Variants in DOCK10 observed in about 807,000 individuals in gnomAD.
DOCK10 encodes dedicator of cytokinesis protein 10.
In DOCK10, 145 loss-of-function variants were observed where a neutral mutation model predicts 280.1. That is an observed-to-expected ratio of 0.52 (90% confidence interval 0.45 to 0.59). DOCK10 has a LOEUF of 0.59. DOCK10 is among the 20% of genes least tolerant of loss of function. The pLI, the probability that DOCK10 is intolerant of heterozygous loss-of-function variation, is 0.00. For missense variants in DOCK10, 2,368 were observed against 2,651.7 expected, an observed-to-expected ratio of 0.89 and a Z score of 2.35; for synonymous variants, 915 against 942.2, an observed-to-expected ratio of 0.97 and a Z score of 0.53.
intron 40 of DOCK10, 52 bp from the exon 41 acceptor site, chr2:224,800,315 C>A: frequency 9.1e-7 from 1 of 1,097,664 alleles, no homozygotes; most frequent in Non-Finnish European, 1.3e-6. Flanking sequence ...ATGCTTTGTA[C>A]CCTATAAAGG....
Position 224,844,972 on chromosome 2 carries a change from G to A in DOCK10, c.2482-133C>T, listed in dbSNP as rs576293960. 374 of 813,968 alleles carry A rather than the reference G, an allele frequency of 4.6e-4. 4 individuals are homozygous for A. The South Asian group carries it at 5.8e-3, about 13-fold the overall frequency. The allele number at this position is 813,968 out of a possible 1,614,324, so 50.4% of individuals were successfully genotyped here. On this transcript the variant is annotated intron_variant, in intron 21 of 55. Coordinates refer to ENST00000258390, the MANE Select transcript of DOCK10 (RefSeq NM_014689.3). ...CAGCTACAGGTGGAAAATAAAAGAT[G>A]CAAATACATTTAGCACTATTGGTAG...
At chr2:224,845,460 T>G in intron 20 of DOCK10, 59 bp downstream of exon 20, 1 of 1,583,714 alleles carries the variant, frequency 6.3e-7, no homozygotes, top group East Asian at 2.2e-5. Flanking sequence ...GAAAACACTC[T>G]CCAAACCAAT....
At chr2:224,870,064 G>A (rs1335106665) in intron 11 of DOCK10, among the ~76,000 whole-genome samples, 1 of 152,158 alleles carries the variant, frequency 6.6e-6, no homozygotes, top group Non-Finnish European at 1.5e-5. Context: ...TGTCATAGGA[G>A]GGACCCAGTG....
intron 16 of DOCK10, 82 bp from the exon 17 acceptor site, chr2:224,853,204 C>A (rs1470710442): frequency 8.0e-7 from 1 of 1,245,940 alleles, no homozygotes; most frequent in Non-Finnish European, 1.1e-6. Context: ...TTAAAATGAA[C>A]CCACTCAAGA....
intron 11 of DOCK10, among the ~76,000 whole-genome samples, chr2:224,867,977 G>A (rs1231742227): frequency 1.3e-5 from 2 of 152,206 alleles, no homozygotes; most frequent in Admixed American, 6.5e-5. Flanking sequence ...GGACATCCCA[G>A]TGGCAGTTGG....
chr2:225,036,199 T>C (rs954000084), intron 1 of DOCK10, among the ~76,000 whole-genome samples: 1 of 152,218 alleles, frequency 6.6e-6, no homozygotes, highest in Non-Finnish European at 1.5e-5. Context: ...TATTTAAGTC[T>C]GTTATGGAAT....
intron 1 of DOCK10, among the ~76,000 whole-genome samples, chr2:224,980,455 A>G (rs1705688791): frequency 6.6e-6 from 1 of 152,218 alleles, no homozygotes; most frequent in African/African-American, 2.4e-5. Flanking sequence ...AAACTTTGCA[A>G]CTTGGGGTAG....
At chr2:224,943,564 C>CT (rs1333982205) in intron 1 of DOCK10, among the ~76,000 whole-genome samples, 1 of 152,116 alleles carries the variant, frequency 6.6e-6, no homozygotes, top group African/African-American at 2.4e-5. Context: ...GCAACGATCA[C>CT]TTTTTTCTTC....
chr2:224,864,029 C>A (rs966260265), intron 13 of DOCK10, among the ~76,000 whole-genome samples: 1 of 152,148 alleles, frequency 6.6e-6, no homozygotes, highest in Non-Finnish European at 1.5e-5. Flanking sequence ...AAAGCTTTAT[C>A]CACATTTGAA....
rs1282472934 is a variant in DOCK10 at position 225,042,428 on chromosome 2, C to T, written c.-54G>A. ...CCGGGGCGCGCCTCCCGCCGGTCTT[C>T]CCCGCGCCAACCTTCTCTATCCACC... is the stretch of plus-strand genomic sequence containing the variant. On this transcript the variant is annotated 5_prime_UTR_variant, in exon 1 of 56. Coordinates refer to ENST00000258390, the MANE Select transcript of DOCK10 (RefSeq NM_014689.3). This position sits in a 1 kb window ranked among gnomAD's most constrained non-coding sequence, Gnocchi z 5.1. 4 of 1,228,606 alleles carry T rather than the reference C, an allele frequency of 3.3e-6. No individual in the cohort carries two copies. In the African/African-American group the frequency reaches 4.7e-5, roughly 14 times the overall value. The allele number at this position is 1,228,606 out of a possible 1,614,324, so 76.1% of individuals were successfully genotyped here.
At chr2:225,000,406 A>G (rs566889559) in intron 1 of DOCK10, among the ~76,000 whole-genome samples, 1 of 152,322 alleles carries the variant, frequency 6.6e-6, no homozygotes, top group South Asian at 2.1e-4. Flanking sequence ...CATTCGTGGA[A>G]TTGTGCTTTC....
intron 22 of DOCK10, 24 bp downstream of exon 22, chr2:224,844,729 A>G (rs1559542565): frequency 2.8e-6 from 4 of 1,415,276 alleles, no homozygotes; most frequent in Non-Finnish European, 3.9e-6. Flanking sequence ...AGAAGATGCT[A>G]GTATTTCAGG....
intron 43 of DOCK10, 92 bp from the exon 44 acceptor site, chr2:224,796,518 T>C: frequency 1.3e-6 from 1 of 757,444 alleles, no homozygotes; most frequent in Admixed American, 2.5e-5. Flanking sequence ...ATTATTAGTT[T>C]CTCCCTGTAG....
At chr2:224,983,816 GA>G in intron 1 of DOCK10, 1 of 470,856 alleles carries the variant, frequency 2.1e-6, no homozygotes, top group South Asian at 1.5e-5. Context: ...AGTGCTGCTG[GA>G]AAAAGAAGAA....
At chr2:224,849,686 C>T in intron 18 of DOCK10, 87 bp from the exon 19 acceptor site, 1 of 902,466 alleles carries the variant, frequency 1.1e-6, no homozygotes, top group Non-Finnish European at 1.7e-6. Context: ...TCAGTACCAA[C>T]CCTGGGACAA....
chr2:225,005,241 C>T (rs1379132033), intron 1 of DOCK10, among the ~76,000 whole-genome samples: 1 of 152,140 alleles, frequency 6.6e-6, no homozygotes, highest in Non-Finnish European at 1.5e-5. Context: ...AGCAGATTAC[C>T]ACTGTTATCC....
intron 3 of DOCK10, among the ~76,000 whole-genome samples, chr2:224,900,318 ATGTT>A (rs1242345267): frequency 1.3e-5 from 2 of 152,048 alleles, no homozygotes; most frequent in Non-Finnish European, 2.9e-5. Context: ...AAAGCTATAA[ATGTT>A]TGTCAGATAC....
intron 1 of DOCK10, among the ~76,000 whole-genome samples, chr2:225,009,254 G>A (rs949307969): frequency 3.9e-5 from 6 of 152,052 alleles, no homozygotes; most frequent in South Asian, 4.2e-4. Context: ...TTAATTTTTC[G>A]CTAAGATGTA....
intron 2 of DOCK10, among the ~76,000 whole-genome samples, chr2:224,919,091 GTGTA>G (rs1349410823): frequency 1.3e-5 from 2 of 149,810 alleles, no homozygotes; most frequent in African/African-American, 4.9e-5. Flanking sequence ...TGGGGAGTGT[GTGTA>G]TGTATGTGTG....
Sources: allele counts gnomAD v4.1 joint callset (sites outside exome capture counted in the v4.1 genomes callset), GRCh38; gene constraint gnomAD v4.1.1; non-coding constraint Gnocchi (gnomAD v3.1); transcripts MANE v1.5; gene names NCBI Gene and HGNC (gene_info 2026-07-23, HGNC 2026-07-21).